Variants in UPF1 observed in about 807,000 individuals in gnomAD.
The protein encoded by UPF1 is UPF1 RNA helicase and ATPase.
In UPF1, 9 loss-of-function variants were observed where a neutral mutation model predicts 129.2. That is an observed-to-expected ratio of 0.07 (90% CI 0.04 to 0.12). The LOEUF is 0.12. UPF1 is among the 10% of genes least tolerant of loss of function. The probability of loss-of-function intolerance (pLI) is 1.00; values close to 1 mark genes in which losing one functional copy is unlikely to be tolerated. For synonymous variants in UPF1, 649 were observed against 644.9 expected (o/e 1.01, Z -0.10); for missense variants, 788 against 1,525.3 (o/e 0.52, Z 8.05).
At position 18,853,469 on chromosome 19, in the gene UPF1, G is replaced by T. The variant is rs1247881923; in HGVS notation, c.1156+119G>T. 18 of 998,402 alleles carry T rather than the reference G, an allele frequency of 1.8e-5. No homozygotes were observed. Among genetic ancestry groups the T allele is most frequent in the Non-Finnish European group, 2.6e-5 (18 of 696,590 alleles). The allele number at this position is 998,402 out of a possible 1,614,324, so 61.8% of individuals were successfully genotyped here. On this transcript the variant is annotated intron_variant, in intron 8 of 23. Coordinates refer to ENST00000262803, the MANE Select transcript of UPF1 (RefSeq NM_002911.4). The surrounding 1 kb of genome is among the most constrained non-coding windows in gnomAD (Gnocchi z 4.4). Reference sequence around the variant, plus strand: ...GGCCAGCATCTCATGCTCTGTGGTGGGTGCTGGTTGGCATCGCCCTCCACT... The same window carrying T: ...GGCCAGCATCTCATGCTCTGTGGTGTGTGCTGGTTGGCATCGCCCTCCACT...
At chr19:18,844,489 A>AT (rs2055577661) in intron 1 of UPF1, among the ~76,000 whole-genome samples, 1 of 64,062 alleles carries the variant, frequency 1.6e-5, no homozygotes, top group Non-Finnish European at 3.7e-5. Flanking sequence ...ACGTCCAGCT[A>AT]ATTTTTTTTT....
At chr19:18,843,634 C>T (rs554689070) in intron 1 of UPF1, among the ~76,000 whole-genome samples, 55 of 150,012 alleles carry the variant, frequency 3.7e-4, no homozygotes, top group Non-Finnish European at 6.4e-4. Context: ...TTCTCCTGCA[C>T]GGGGATTACA....
At position 18,850,288 on chromosome 19, in the gene UPF1, GCCGTCT is replaced by G. The variant is rs764759612; in HGVS notation, c.629+49_629+54del. 2 of 1,528,662 alleles carry G rather than the reference GCCGTCT, an allele frequency of 1.3e-6. No homozygotes were observed. The highest frequency in any genetic ancestry group is 4.6e-5 in the East Asian group (2 of 43,496). The allele number at this position is 1,528,662 out of a possible 1,614,324, so 94.7% of individuals were successfully genotyped here. On this transcript the variant is annotated intron_variant, in intron 4 of 23. Coordinates refer to ENST00000262803, the MANE Select transcript of UPF1 (RefSeq NM_002911.4). The surrounding 1 kb of genome is among the most constrained non-coding windows in gnomAD (Gnocchi z 7.1). Reference sequence around the variant, plus strand: ...TCCTGGGGGTGACCTTTAAGCTCCAGCCGTCTCCTCACAAGCCTTGGCCCAGCCCAG... The same window carrying G: ...TCCTGGGGGTGACCTTTAAGCTCCAGCCTCACAAGCCTTGGCCCAGCCCAG...
intron 1 of UPF1, among the ~76,000 whole-genome samples, chr19:18,841,155 G>A (rs1000751083): frequency 3.3e-5 from 5 of 152,220 alleles, no homozygotes; most frequent in Non-Finnish European, 7.3e-5. Flanking sequence ...AAACGTCTAC[G>A]ATGAATTCTC....
intron 1 of UPF1, among the ~76,000 whole-genome samples, chr19:18,845,725 G>A (rs575904092): frequency 6.6e-6 from 1 of 152,264 alleles, no homozygotes; most frequent in East Asian, 1.9e-4. Flanking sequence ...CTGGTTGTGG[G>A]CATGGACATG....
chr19:18,863,864 G>A (rs1249934604), intron 19 of UPF1, among the ~76,000 whole-genome samples: 1 of 152,198 alleles, frequency 6.6e-6, no homozygotes, highest in Admixed American at 6.5e-5. Flanking sequence ...GCTGCATGCA[G>A]CAGCCTGGGA....
rs1331132046 is a variant in UPF1, at chr19:18,832,326, T to C, written c.117T>C (p.Thr39=). The change falls in exon 1 of 24, where the codon ACT becomes ACC. Residue 39 remains threonine (T), a synonymous_variant. Coordinates refer to ENST00000262803, the MANE Select transcript of UPF1 (RefSeq NM_002911.4). The surrounding 1 kb of genome is among the most constrained non-coding windows in gnomAD (Gnocchi z 5.6). ...CCGAGTTCGAGTTCACCGACTTTAC[T>C]CTTCCTAGCCAGACGCAGACGCCCC... ...QGSEFEFTDF[T]LPSQTQTPPG... 1.3e-6 allele frequency: 2 copies of C among 1,511,776 alleles called. No individual in the cohort carries two copies. Among genetic ancestry groups the C allele is most frequent in the Non-Finnish European group, 1.8e-6 (2 of 1,124,696 alleles). The allele number at this position is 1,511,776 out of a possible 1,614,324, so 93.6% of individuals were successfully genotyped here. A position where few individuals can be genotyped will look rare whatever the true frequency, so the allele number is the denominator to read the frequency against.
chr19:18,834,554 C>A (rs1443428263), intron 1 of UPF1, among the ~76,000 whole-genome samples: 2 of 152,100 alleles, frequency 1.3e-5, no homozygotes, highest in Admixed American at 1.3e-4. Flanking sequence ...AGAATTCTGA[C>A]GACATCAGAG....
Position 18,863,468 on chromosome 19 carries a change from G to A in UPF1, c.2631G>A (p.Lys877=). Residue 877 remains lysine (K), a synonymous_variant, in exon 19 of 24, where the codon AAG becomes AAA. Transcript: ENST00000262803. ...GCGTCATCATTGTGGGCAACCCGAA[G>A]GCACTATCAAAGCAGCCGCTCTGGA... ...RYGVIIVGNP[K]ALSKQPLWNH... is the part of the protein sequence containing the mutation. 1 of 1,613,794 alleles carries A rather than the reference G, an allele frequency of 6.2e-7. No individual in the cohort carries two copies. Among genetic ancestry groups the A allele is most frequent in the Non-Finnish European group, 8.5e-7 (1 of 1,179,802 alleles).
rs1042908919 is a variant in UPF1 at position 18,862,105 on chromosome 19, C to T, written c.2553C>T (p.Gly851=). 3.8e-5 allele frequency: 62 copies of T among 1,613,944 alleles called. No homozygotes were observed. The highest frequency in any genetic ancestry group is 5.2e-5 in the Non-Finnish European group (61 of 1,180,040). The change falls in exon 18 of 24, where the codon GGC becomes GGT. Residue 851 remains glycine, a synonymous_variant. Transcript: ENST00000262803. ...GGGCCAACGAGCACCAAGGCATTGG[C>T]TTTTTAAATGACCCCAGGCGTCTGA... ...CVRANEHQGI[G]FLNDPRRLNV... is the part of the protein sequence containing the mutation.
At position 18,865,588 on chromosome 19, in the gene UPF1, G is replaced by T; in HGVS notation, c.3047G>T (p.Gly1016Val). The T allele has an allele frequency of 6.2e-7, 1 of 1,613,920 alleles. No individual in the cohort carries two copies. The highest frequency in any genetic ancestry group is 8.5e-7 in the Non-Finnish European group (1 of 1,180,040). The change falls in exon 22 of 24, where the codon GGT (glycine) becomes GTT (valine). Residue 1016 changes from glycine (G) to valine (V), a missense_variant. Physicochemically the swap from Gly to Val is moderately radical, Grantham distance 109. This residue lies in a region of UPF1 where 218 missense variants were observed against 318.1 expected (regional missense o/e 0.69). Transcript: ENST00000262803. The surrounding 1 kb of genome is among the most constrained non-coding windows in gnomAD (Gnocchi z 6.1). ...AGRGTPKGKT[G>V]RGGRQKNRFG... Reference sequence around the variant, plus strand: ...CGAGGCACCCCGAAAGGCAAGACTGGTCGTGGGGGACGCCAGAAGAACCGC... The same window carrying T: ...CGAGGCACCCCGAAAGGCAAGACTGTTCGTGGGGGACGCCAGAAGAACCGC...
rs781492791 is a variant in UPF1 at position 18,860,932 on chromosome 19, C to T, written c.2407C>T (p.Leu803=). The T allele has an allele frequency of 2.8e-5, 44 of 1,594,822 alleles. No homozygotes were observed. The highest frequency in any genetic ancestry group is 3.6e-5 in the Non-Finnish European group (42 of 1,171,220). The change falls in exon 17 of 24, where the codon CTG becomes TTG. Residue 803 remains leucine, a synonymous_variant. Coordinates refer to ENST00000262803, the MANE Select transcript of UPF1 (RefSeq NM_002911.4). ...GCCCTACGAGGGCCAGCGCTCCTAC[C>T]TGGTGCAGTACATGCAGTTCAGCGG... is the stretch of plus-strand genomic sequence containing the variant. ...ITPYEGQRSY[L]VQYMQFSGSL... is the part of the protein sequence containing the mutation.
At position 18,847,726 on chromosome 19, in the gene UPF1, G is replaced by A. The variant is rs750607861; in HGVS notation, c.372-18G>A. 13 of 1,610,508 alleles carry A rather than the reference G, an allele frequency of 8.1e-6. No homozygotes were observed. The highest frequency in any genetic ancestry group is 3.3e-5 in the Admixed American group (2 of 59,976). ...GAGCAAGCTTCCAGCTGTAACTGTC[G>A]CTGTTTTGATTTTTTAGTTACTGTG... On this transcript the variant is annotated intron_variant, in intron 2 of 23. Transcript: ENST00000262803.
rs147376015 is a variant in UPF1 at position 18,854,900 on chromosome 19, G to A, written c.1287G>A (p.Thr429=). The A allele has an allele frequency of 1.1e-4, 182 of 1,614,088 alleles. No homozygotes were observed. The highest frequency in any genetic ancestry group is 1.4e-4 in the Non-Finnish European group (170 of 1,180,050). ...SFDRMQSALK[T]FAVDETSVSG... ...ACAGGATGCAGAGCGCATTGAAAAC[G>A]TTTGCCGTGGATGAGACCTCGGTGT... The change falls in exon 10 of 24, where the codon ACG becomes ACA. Residue 429 remains threonine, a synonymous_variant. Transcript: ENST00000262803.
At position 18,855,020 on chromosome 19, in the gene UPF1, C is replaced by T. The variant is rs148681833; in HGVS notation, c.1407C>T (p.Pro469=). Residue 469 remains proline, a synonymous_variant, in exon 10 of 24, where the codon CCC becomes CCT. Transcript: ENST00000262803. ...LPKRFTAQGL[P]DLNHSQVYAV... is the part of the protein sequence containing the mutation. ...AGCGCTTCACGGCGCAGGGCCTCCC[C>T]GACCTCAACCACTCCCAGGTGCGCG... 28 of 1,613,882 alleles carry T rather than the reference C, an allele frequency of 1.7e-5. No individual in the cohort carries two copies. The highest frequency in any genetic ancestry group is 1.6e-4 in the Middle Eastern group (1 of 6,084).
chr19:18,864,733 G>T (rs866252896), intron 20 of UPF1, among the ~76,000 whole-genome samples: 12 of 73,562 alleles, frequency 1.6e-4, no homozygotes, highest in South Asian at 1.1e-3. Context: ...ATTTGCAGGT[G>T]TTTTTTTTTT....
At position 18,852,256 on chromosome 19, in the gene UPF1, A is replaced by G; in HGVS notation, c.932A>G (p.Lys311Arg). ...CAGAACATATTCGGGCCCCTGGTCA[A>G]GCTGGAGGCCGACTACGACAAGAAG... Reference protein sequence around the residue: ...QYQNIFGPLVKLEADYDKKLK... With the variant: ...QYQNIFGPLVRLEADYDKKLK... The change falls in exon 6 of 24, where the codon AAG becomes AGG. Residue 311 changes from lysine to arginine, a missense_variant. Physicochemically the swap from Lys to Arg is conservative, Grantham distance 26. Transcript: ENST00000262803. 2 of 1,613,782 alleles carry G rather than the reference A, an allele frequency of 1.2e-6. No individual in the cohort carries two copies. Among genetic ancestry groups the G allele is most frequent in the Non-Finnish European group, 1.7e-6 (2 of 1,179,808 alleles).
intron 1 of UPF1, among the ~76,000 whole-genome samples, chr19:18,837,940 T>C (rs2055501007): frequency 6.6e-6 from 1 of 152,232 alleles, no homozygotes; most frequent in Non-Finnish European, 1.5e-5. Flanking sequence ...CTCACTCTCC[T>C]CCTGCCAGAC....
At chr19:18,848,261 G>T (rs1157181019) in intron 3 of UPF1, 2 of 169,516 alleles carry the variant, frequency 1.2e-5, no homozygotes, top group Admixed American at 1.2e-4. Flanking sequence ...TGAATCATCG[G>T]CTTCAATTAA....
Sources: allele counts gnomAD v4.1 joint callset (sites outside exome capture counted in the v4.1 genomes callset), GRCh38; gene constraint gnomAD v4.1.1; regional missense constraint gnomAD v4.1.1; non-coding constraint Gnocchi (gnomAD v3.1); transcripts MANE v1.5; gene names NCBI Gene and HGNC (gene_info 2026-07-23, HGNC 2026-07-21).